Variants in METAP1D observed in about 807,000 individuals in gnomAD.
METAP1D encodes methionyl aminopeptidase type 1D, mitochondrial, also known as methionine aminopeptidase 1D, mitochondrial.
Under a neutral mutation model 40.5 loss-of-function variants are expected in METAP1D, and 31 were observed. That is an observed-to-expected ratio of 0.77 (90% CI 0.58 to 1.03). The LOEUF (loss-of-function observed/expected upper bound fraction) is 1.03. METAP1D is among the 50% of genes least tolerant of loss of function. The pLI is 0.00. For missense variants in METAP1D, 411 were observed against 420.7 expected, an observed-to-expected ratio of 0.98 and a Z score of 0.20; for synonymous variants, 151 against 146.4, an observed-to-expected ratio of 1.03 and a Z score of -0.22.
intron 1 of METAP1D, among the ~76,000 whole-genome samples, chr2:172,050,902 CTTCT>C (rs1342073227): frequency 6.6e-6 from 1 of 152,276 alleles, no homozygotes; most frequent in African/African-American, 2.4e-5. Context: ...TAATAAACAG[CTTCT>C]TTATTTCCTC....
chr2:172,012,025 C>T (rs1688738363), intron 1 of METAP1D, among the ~76,000 whole-genome samples: 1 of 152,210 alleles, frequency 6.6e-6, no homozygotes, highest in African/African-American at 2.4e-5. Flanking sequence ...TCCCTTTTAT[C>T]TTTCACATTT....
intron 1 of METAP1D, among the ~76,000 whole-genome samples, chr2:172,034,710 C>A (rs1357669836): frequency 6.6e-6 from 1 of 152,018 alleles, no homozygotes; most frequent in Non-Finnish European, 1.5e-5. Context: ...AATTATGTAT[C>A]CAACAAGGGT....
chr2:172,005,170 T>C (rs561898985), intron 1 of METAP1D, among the ~76,000 whole-genome samples: 1 of 152,242 alleles, frequency 6.6e-6, no homozygotes, highest in African/African-American at 2.4e-5. Flanking sequence ...TTATTTTATG[T>C]TTTATTTCAA....
At chr2:172,020,802 T>A (rs183637606) in intron 1 of METAP1D, among the ~76,000 whole-genome samples, 1 of 152,318 alleles carries the variant, frequency 6.6e-6, no homozygotes, top group East Asian at 1.9e-4. Flanking sequence ...TTTTTAAAAA[T>A]TTGAGCTATT....
intron 1 of METAP1D, among the ~76,000 whole-genome samples, chr2:172,002,950 A>C (rs976686345): frequency 2.0e-5 from 3 of 152,334 alleles, no homozygotes; most frequent in Middle Eastern, 6.8e-3. Context: ...CCCTATATAC[A>C]GTAGTTACCT....
intron 1 of METAP1D, among the ~76,000 whole-genome samples, chr2:172,002,493 T>C (rs961352835): frequency 6.6e-6 from 1 of 152,200 alleles, no homozygotes; most frequent in Non-Finnish European, 1.5e-5. Flanking sequence ...ATATATTATA[T>C]GGAAGTCAGG....
At chr2:172,060,086 A>G (rs1435521162) in intron 1 of METAP1D, among the ~76,000 whole-genome samples, 53 of 151,762 alleles carry the variant, frequency 3.5e-4, no homozygotes, top group Non-Finnish European at 2.9e-5. Flanking sequence ...AACAAAAAAA[A>G]GATTGTTCTA....
At chr2:172,032,551 A>T (rs1341487485) in intron 1 of METAP1D, among the ~76,000 whole-genome samples, 1 of 152,230 alleles carries the variant, frequency 6.6e-6, no homozygotes, top group Non-Finnish European at 1.5e-5. Flanking sequence ...CCTGTATGGA[A>T]CTGAACCTCA....
At chr2:172,022,770 C>G (rs1689034546) in intron 1 of METAP1D, among the ~76,000 whole-genome samples, 1 of 152,126 alleles carries the variant, frequency 6.6e-6, no homozygotes, top group South Asian at 2.1e-4. Flanking sequence ...GCAGTCAATG[C>G]AATTAAACTT....
intron 1 of METAP1D, among the ~76,000 whole-genome samples, chr2:172,027,099 A>G (rs1350710246): frequency 6.6e-6 from 1 of 152,198 alleles, no homozygotes; most frequent in Admixed American, 6.5e-5. Flanking sequence ...TCATTCCTTT[A>G]TTCAGCAAAC....
At chr2:172,056,380 G>T (rs1690002613) in intron 1 of METAP1D, among the ~76,000 whole-genome samples, 1 of 152,214 alleles carries the variant, frequency 6.6e-6, no homozygotes, top group Non-Finnish European at 1.5e-5. Flanking sequence ...AGATCACATA[G>T]CTCTTAGCAG....
intron 1 of METAP1D, among the ~76,000 whole-genome samples, chr2:172,044,224 G>A (rs956373507): frequency 7.5e-6 from 1 of 132,620 alleles, no homozygotes; most frequent in African/African-American, 2.5e-5. Flanking sequence ...AAACAGTGTA[G>A]TACACACATT....
intron 1 of METAP1D, among the ~76,000 whole-genome samples, chr2:172,054,011 A>G (rs1448870387): frequency 6.6e-6 from 1 of 152,232 alleles, no homozygotes; most frequent in African/African-American, 2.4e-5. Flanking sequence ...AAAAATACTT[A>G]TTGACCAAAA....
intron 5 of METAP1D, among the ~76,000 whole-genome samples, chr2:172,067,594 C>A (rs187452002): frequency 1.6e-4 from 25 of 152,220 alleles, no homozygotes; most frequent in East Asian, 1.9e-4. Context: ...TTGGATTGTA[C>A]CTGATTTTAC....
intron 1 of METAP1D, among the ~76,000 whole-genome samples, chr2:172,055,856 C>G (rs529741741): frequency 2.9e-4 from 44 of 152,154 alleles, no homozygotes; most frequent in Non-Finnish European, 5.0e-4. Context: ...CCTGACGTTT[C>G]GAATTTTACC....
intron 1 of METAP1D, among the ~76,000 whole-genome samples, chr2:172,022,380 A>AT (rs1271675802): frequency 1.3e-5 from 2 of 152,082 alleles, no homozygotes; most frequent in Non-Finnish European, 2.9e-5. Context: ...ATGGAGGGAA[A>AT]TTTTTTTGTT....
chr2:172,063,903 A>G (rs751061027), intron 3 of METAP1D, 43 bp downstream of exon 3: 1 of 1,517,834 alleles, frequency 6.6e-7, no homozygotes, highest in Non-Finnish European at 8.8e-7. Context: ...ATAAGGGGCA[A>G]CAAACACTCC....
chr2:172,037,535 A>C (rs1324387425), intron 1 of METAP1D, among the ~76,000 whole-genome samples: 3 of 152,236 alleles, frequency 2.0e-5, no homozygotes, highest in Admixed American at 2.0e-4. Flanking sequence ...GTGCTAATGA[A>C]CTCTTAAGAC....
At chr2:172,077,760 T>C (rs1690582059) in intron 6 of METAP1D, 37 bp from the exon 7 acceptor site, 1 of 1,079,876 alleles carries the variant, frequency 9.3e-7, no homozygotes, top group Non-Finnish European at 1.4e-6. Flanking sequence ...GAAAAACTTA[T>C]CTAATTTAAT....
Sources: gnomAD v4.1 joint callset for allele counts (sites outside exome capture counted in the v4.1 genomes callset) on GRCh38, gnomAD v4.1.1 for gene constraint, MANE v1.5 for transcripts, NCBI Gene and HGNC (gene_info 2026-07-23, HGNC 2026-07-21) for gene names.